Variants in ZC3H7B observed in about 807,000 individuals in gnomAD.
ZC3H7B encodes the protein zinc finger CCCH-type containing 7B.
In ZC3H7B, 35 loss-of-function variants were observed where a neutral mutation model predicts 116.0. The observed-to-expected ratio is 0.30, with a 90% CI of 0.23 to 0.40. ZC3H7B has a LOEUF of 0.40. Ranked by LOEUF, ZC3H7B falls within the 10% of genes least tolerant of loss-of-function variation. The pLI is 1.00. For missense variants in ZC3H7B, 1,011 were observed against 1,321.5 expected (o/e 0.77, Z 3.64); for synonymous variants, 502 against 545.6 (o/e 0.92, Z 1.11).
rs1257310067 is a variant in ZC3H7B at position 41,351,439 on chromosome 22, C to G, written c.1949-122C>G. 3 of 780,216 alleles carry G rather than the reference C, an allele frequency of 3.8e-6. No individual in the cohort carries two copies. The highest frequency in any genetic ancestry group is 1.8e-5 in the African/African-American group (1 of 56,984). The allele number at this position is 780,216 out of a possible 1,614,324, so 48.3% of individuals were successfully genotyped here. ...CCTTGTACCCCATGTCTTACTGTGG[C>G]TGGGCTGAGAATAGGGCTCCTCCAG... On this transcript the variant is annotated intron_variant, in intron 16 of 22. Transcript: ENST00000352645. The surrounding 1 kb of genome is among the most constrained non-coding windows in gnomAD (Gnocchi z 5.1).
intron 16 of ZC3H7B, among the ~76,000 whole-genome samples, chr22:41,350,043 A>T (rs2036637370): frequency 6.6e-6 from 1 of 152,190 alleles, no homozygotes; most frequent in Non-Finnish European, 1.5e-5. Flanking sequence ...TGTTATGAGG[A>T]AGATAAAGCC....
In ZC3H7B at chr22:41,356,466, C is replaced by G; in HGVS notation, c.2507C>G (p.Ala836Gly). ...EKQIQMPTDYADIMMGYHCWL... is the reference protein window; with the variant it reads ...EKQIQMPTDYGDIMMGYHCWL... ...CAGATCCAGATGCCCACGGACTACG[C>G]GGACATCATGGTAACGCCTCCGCCC... The change falls in exon 21 of 23, where the codon GCG becomes GGG. Residue 836 changes from alanine to glycine, a missense_variant. Physicochemically the swap from Ala to Gly is moderately conservative, Grantham distance 60. Coordinates refer to ENST00000352645, the MANE Select transcript of ZC3H7B (RefSeq NM_017590.6). 6.2e-7 allele frequency: 1 copy of G among 1,614,072 alleles called. No individual in the cohort carries two copies. The highest frequency in any genetic ancestry group is 8.5e-7 in the Non-Finnish European group (1 of 1,180,042).
intron 1 of ZC3H7B, among the ~76,000 whole-genome samples, chr22:41,317,079 C>G (rs1218113183): frequency 6.6e-6 from 1 of 152,010 alleles, no homozygotes; most frequent in Non-Finnish European, 1.5e-5. Context: ...ACCTCGTTAT[C>G]CGCCTGCCTC....
intron 13 of ZC3H7B, 95 bp downstream of exon 13, chr22:41,343,671 G>A: frequency 7.0e-7 from 1 of 1,420,996 alleles, no homozygotes; most frequent in Admixed American, 2.9e-5. Flanking sequence ...AGACAGAACA[G>A]GGGTGGGCCT....
At chr22:41,341,497 A>G (rs890462898) in intron 11 of ZC3H7B, among the ~76,000 whole-genome samples, 2 of 152,126 alleles carry the variant, frequency 1.3e-5, no homozygotes, top group Admixed American at 1.3e-4. Context: ...TAATCCCAGC[A>G]CTTTGGGAGG....
intron 2 of ZC3H7B, among the ~76,000 whole-genome samples, chr22:41,321,988 C>T (rs1392267216): frequency 2.0e-5 from 3 of 147,710 alleles, no homozygotes; most frequent in Non-Finnish European, 3.0e-5. Flanking sequence ...TACAGGCGCC[C>T]GCCACTACGC....
At position 41,357,354 on chromosome 22, in the gene ZC3H7B, G is replaced by C. The variant is rs776554913; in HGVS notation, c.2859G>C (p.Leu953=). ...ACTTTGGCAAATACAACTTCCTGCT[G>C]CAAGAGGACGGGGACCTTGCCGGTG... ...DDDFGKYNFL[L]QEDGDLAGAT... The change falls in exon 23 of 23, where the codon CTG becomes CTC. Residue 953 remains leucine (L), a synonymous_variant. Transcript: ENST00000352645. The surrounding 1 kb of genome is among the most constrained non-coding windows in gnomAD (Gnocchi z 5.4). 6 of 1,613,544 alleles carry C rather than the reference G, an allele frequency of 3.7e-6. No homozygotes were observed. The highest frequency in any genetic ancestry group is 5.1e-6 in the Non-Finnish European group (6 of 1,179,980).
At chr22:41,356,261 G>T in intron 20 of ZC3H7B, 82 bp from the exon 21 acceptor site, 1 of 1,587,244 alleles carries the variant, frequency 6.3e-7, no homozygotes, top group South Asian at 1.1e-5. Context: ...GACGCCCACG[G>T]CTCCCAAATC....
chr22:41,326,062 C>T (rs2036313813), intron 4 of ZC3H7B, 144 bp downstream of exon 4: 8 of 978,830 alleles, frequency 8.2e-6, no homozygotes, highest in East Asian at 5.3e-5. Context: ...TGTCTGTTCT[C>T]GTGGCTCTTA....
At chr22:41,330,600 G>A (rs959281089) in intron 6 of ZC3H7B, among the ~76,000 whole-genome samples, 5 of 152,148 alleles carry the variant, frequency 3.3e-5, no homozygotes, top group Non-Finnish European at 7.3e-5. Flanking sequence ...TCTGGACGAT[G>A]GAGATAATTT....
Position 41,359,562 on chromosome 22 carries a change from A to C in ZC3H7B, c.*2133A>C, listed in dbSNP as rs2036761947. 6.6e-6 allele frequency: 1 copy of C among 152,156 alleles called. No individual in the cohort carries two copies. The highest frequency in any genetic ancestry group is 1.5e-5 in the Non-Finnish European group (1 of 68,058). The allele number at this position is 152,156 out of a possible 1,614,324, so 9.4% of individuals were successfully genotyped here. ...GACCACCCCCATCGAGTGCGGAGAG[A>C]GTGGGAGTGCTCAGGGAAAGAAGGT... On this transcript the variant is annotated 3_prime_UTR_variant, in exon 23 of 23. Coordinates refer to ENST00000352645, the MANE Select transcript of ZC3H7B (RefSeq NM_017590.6).
chr22:41,357,140 C>CA lies in ZC3H7B; in HGVS notation c.2682-36dup. The CA allele has an allele frequency of 6.2e-7, 1 of 1,604,970 alleles. No homozygotes were observed. Among genetic ancestry groups the CA allele is most frequent in the Non-Finnish European group, 8.5e-7 (1 of 1,176,838 alleles). On this transcript the variant is annotated intron_variant, in intron 22 of 22. Coordinates refer to ENST00000352645, the MANE Select transcript of ZC3H7B (RefSeq NM_017590.6). This position sits in a 1 kb window ranked among gnomAD's most constrained non-coding sequence, Gnocchi z 5.4. Reference sequence around the variant, plus strand: ...GATGGACAGCCTGGGGTGGGAAGGGCACAGAGCTCGGGCAGTGAGCCTCCT... The same window carrying CA: ...GATGGACAGCCTGGGGTGGGAAGGGCAACAGAGCTCGGGCAGTGAGCCTCCT...
At chr22:41,320,546 GAATGAGAGTGGGAGTGAGAGCACCC>G in intron 1 of ZC3H7B, 84 bp from the exon 2 acceptor site, 2 of 1,242,834 alleles carry the variant, frequency 1.6e-6, no homozygotes, top group East Asian at 4.8e-5. Flanking sequence ...ATGGGGAAGG[GAATGAGAGTGGGAGTGAGAGCACCC>G]AATCACAGGA....
rs1164647197 is a variant in ZC3H7B, at chr22:41,358,405, T to C, written c.*976T>C. 1 of 152,162 alleles carries C rather than the reference T, an allele frequency of 6.6e-6. No individual in the cohort carries two copies. Among genetic ancestry groups the C allele is most frequent in the Admixed American group, 6.6e-5 (1 of 15,258 alleles). The allele number at this position is 152,162 out of a possible 1,614,324, so 9.4% of individuals were successfully genotyped here. On this transcript the variant is annotated 3_prime_UTR_variant, in exon 23 of 23. Coordinates refer to ENST00000352645, the MANE Select transcript of ZC3H7B (RefSeq NM_017590.6). ...CGCCCCCTCCCAAGGATGGTCCCTT[T>C]GGGTGCAGCAGCAGAGGTCACCTCC...
At chr22:41,344,356 C>A (rs1478069650) in intron 13 of ZC3H7B, among the ~76,000 whole-genome samples, 1 of 152,202 alleles carries the variant, frequency 6.6e-6, no homozygotes, top group African/African-American at 2.4e-5. Context: ...GGGTCAAAGG[C>A]CTCCATCAGC....
At chr22:41,339,666 G>A (rs972986872) in intron 9 of ZC3H7B, 150 bp from the exon 10 acceptor site, 1 of 666,086 alleles carries the variant, frequency 1.5e-6, no homozygotes, top group Non-Finnish European at 2.5e-6. Context: ...TGTCTGGCCA[G>A]AAGGGACCAT....
intron 6 of ZC3H7B, among the ~76,000 whole-genome samples, chr22:41,331,936 G>A (rs901661128): frequency 7.2e-5 from 11 of 152,206 alleles, no homozygotes; most frequent in African/African-American, 2.7e-4. Flanking sequence ...CTGACACACA[G>A]TAGAGGTGTG....
At chr22:41,317,074 G>A (rs577116132) in intron 1 of ZC3H7B, among the ~76,000 whole-genome samples, 6 of 151,892 alleles carry the variant, frequency 4.0e-5, no homozygotes, top group East Asian at 2.0e-4. Context: ...TCTTGACCTC[G>A]TTATCCGCCT....
At chr22:41,329,909 TCTATAACATGGGGTGA>T (rs1269970918) in intron 5 of ZC3H7B, 98 bp from the exon 6 acceptor site, 1 of 1,043,934 alleles carries the variant, frequency 9.6e-7, no homozygotes, top group East Asian at 2.6e-5. Flanking sequence ...CACTTTCTCA[TCTATAACATGGGGTGA>T]CTATGACCTC....
Sources: gnomAD v4.1 joint callset for allele counts (sites outside exome capture counted in the v4.1 genomes callset) on GRCh38, gnomAD v4.1.1 for gene constraint, Gnocchi (gnomAD v3.1) non-coding constraint, MANE v1.5 for transcripts, NCBI Gene and HGNC (gene_info 2026-07-23, HGNC 2026-07-21) for gene names.